The following MDGA2 variants were observed in gnomAD, a reference collection of about 807,000 sequenced individuals.
MDGA2 encodes MAM domain-containing glycosylphosphatidylinositol anchor protein 2.
Under a neutral mutation model 117.8 loss-of-function variants are expected in MDGA2, and 40 were observed. That is an observed-to-expected ratio of 0.34 (90% CI 0.26 to 0.44). The LOEUF is 0.44. Among genes scored for constraint, MDGA2 ranks in the 20% least tolerant of loss-of-function variants. MDGA2 has a pLI of 1.00. For missense variants in MDGA2, 1,123 were observed against 1,250.6 expected, an observed-to-expected ratio of 0.90 and a Z score of 1.54; for synonymous variants, 452 against 439.0, an observed-to-expected ratio of 1.03 and a Z score of -0.37.
chr14:47,449,413 T>G (rs1893193405), intron 1 of MDGA2, among the ~76,000 whole-genome samples: 1 of 152,162 alleles, frequency 6.6e-6, no homozygotes, highest in African/African-American at 2.4e-5. Context: ...TTAACTATTT[T>G]TTGTGCCTAT....
chr14:47,402,791 C>T (rs1892182930), intron 1 of MDGA2, among the ~76,000 whole-genome samples: 1 of 152,096 alleles, frequency 6.6e-6, no homozygotes, highest in Non-Finnish European at 1.5e-5. Flanking sequence ...AACACACACA[C>T]ACACATTAAC....
At chr14:46,973,710 A>G (rs1407190892) in intron 8 of MDGA2, among the ~76,000 whole-genome samples, 3 of 152,124 alleles carry the variant, frequency 2.0e-5, no homozygotes, top group Non-Finnish European at 4.4e-5. Context: ...ACAAACCCCA[A>G]TCTAATGGCA....
At chr14:47,255,716 A>T (rs1952211) in intron 2 of MDGA2, among the ~76,000 whole-genome samples, 125,126 of 151,836 alleles carry the variant, frequency 0.82, 51,887 homozygotes, top group East Asian at 0.93. Context: ...TATTCTGTCA[A>T]CTGCTTGTCA....
At chr14:47,046,526 A>G (rs1266748700) in intron 7 of MDGA2, among the ~76,000 whole-genome samples, 2 of 151,822 alleles carry the variant, frequency 1.3e-5, no homozygotes, top group African/African-American at 2.4e-5. Flanking sequence ...GGTGCAGCAC[A>G]CCAACATGGC....
rs764669737 is a variant in MDGA2, at chr14:47,102,389, ACAC to A, written c.926-5269_926-5267del. Among the ~76,000 whole-genome samples the A allele has an allele frequency of 4.5e-3, 674 of 148,430 alleles. 5 individuals carry two copies. Among genetic ancestry groups the A allele is most frequent in the African/African-American group, 0.017 (652 of 39,186 alleles). Reference sequence around the variant, plus strand: ...GAAACACACACACACACACACACACACACAAACACACACACACACACACAAACT... The same window carrying A: ...GAAACACACACACACACACACACACAAAACACACACACACACACACAAACT... On this transcript the variant is annotated intron_variant, in intron 5 of 16. Coordinates refer to ENST00000399232, the MANE Select transcript of MDGA2 (RefSeq NM_001113498.3).
chr14:47,291,318 T>C (rs928493520), intron 2 of MDGA2, among the ~76,000 whole-genome samples: 1 of 152,188 alleles, frequency 6.6e-6, no homozygotes, highest in East Asian at 1.9e-4. Flanking sequence ...ATAGGACTTG[T>C]GAAGAGCAAC....
chr14:46,880,803 C>CAAAAAAAAAAAAAAAAAAAAA (rs568224124), intron 11 of MDGA2, among the ~76,000 whole-genome samples: 1 of 54,086 alleles, frequency 1.8e-5, no homozygotes, highest in Non-Finnish European at 3.5e-5. Flanking sequence ...ATCCCGTCTC[C>CAAAAAAAAAAAAAAAAAAAAA]AAAAAAAAAA....
rs1450508500 is a variant in MDGA2, at chr14:47,629,285, T to C, written c.280+45232A>G. On this transcript the variant is annotated intron_variant, in intron 1 of 16. Transcript: ENST00000399232. ...GATTCTTACAACAGCATTATATTAA[T>C]AGCAATTCTGATTCATTTGAGCTGA... Among the ~76,000 whole-genome samples, 3 of 152,248 alleles carry C rather than the reference T, an allele frequency of 2.0e-5. No homozygotes were observed. The East Asian group carries it at 5.8e-4, about 29-fold the overall frequency.
intron 1 of MDGA2, among the ~76,000 whole-genome samples, chr14:47,651,121 A>C (rs1041958507): frequency 4.6e-5 from 7 of 152,046 alleles, no homozygotes; most frequent in Non-Finnish European, 8.8e-5. Flanking sequence ...CCTATGGTAA[A>C]GTCTGTTTCA....
At chr14:47,504,426 C>G (rs997184022) in intron 1 of MDGA2, among the ~76,000 whole-genome samples, 5 of 152,088 alleles carry the variant, frequency 3.3e-5, no homozygotes, top group African/African-American at 1.2e-4. Flanking sequence ...CTCTTCTTCT[C>G]CATCACATTA....
At chr14:47,213,977 T>C (rs1305221577) in intron 3 of MDGA2, among the ~76,000 whole-genome samples, 1 of 152,062 alleles carries the variant, frequency 6.6e-6, no homozygotes, top group Non-Finnish European at 1.5e-5. Flanking sequence ...TGGCGAGTAG[T>C]AGCCAGCTTC....
chr14:47,153,070 T>C (rs758345957), intron 3 of MDGA2, among the ~76,000 whole-genome samples: 2 of 152,180 alleles, frequency 1.3e-5, no homozygotes, highest in Non-Finnish European at 2.9e-5. Context: ...GTATGATGTT[T>C]GAGAAACAAA....
rs74432328 is a variant in MDGA2, at chr14:46,912,872, A to T, written c.2238+7140T>A. Reference sequence around the variant, plus strand: ...ACACATTGTAAAATTAGTTTGTAGGAATGAAGCAGATATATGCAATGTCCT... The same window carrying T: ...ACACATTGTAAAATTAGTTTGTAGGTATGAAGCAGATATATGCAATGTCCT... On this transcript the variant is annotated intron_variant, in intron 10 of 16. Transcript: ENST00000399232. 7.9e-3 allele frequency among the ~76,000 whole-genome samples: 1,208 copies of T among 152,274 alleles called. 10 individuals carry two copies. The highest frequency in any genetic ancestry group is 0.035 in the South Asian group (171 of 4,826).
chr14:47,302,271 C>T (rs1170672406), intron 1 of MDGA2, among the ~76,000 whole-genome samples: 5 of 152,186 alleles, frequency 3.3e-5, no homozygotes, highest in Non-Finnish European at 7.4e-5. Context: ...TTGACTTACA[C>T]ATCGTTGGGG....
chr14:47,527,110 A>C (rs1383101708), intron 1 of MDGA2, among the ~76,000 whole-genome samples: 1 of 152,202 alleles, frequency 6.6e-6, no homozygotes, highest in Admixed American at 6.5e-5. Context: ...TAATTCACAC[A>C]GAGGGTAAGG....
chr14:46,864,138 C>T (rs1454779672), intron 14 of MDGA2, among the ~76,000 whole-genome samples: 2 of 148,124 alleles, frequency 1.4e-5, no homozygotes, highest in Non-Finnish European at 3.0e-5. Flanking sequence ...CCAGTGCTTC[C>T]CTAGGGTGAG....
At chr14:47,253,430 C>T (rs1566704323) in intron 2 of MDGA2, among the ~76,000 whole-genome samples, 1 of 152,182 alleles carries the variant, frequency 6.6e-6, no homozygotes, top group Non-Finnish European at 1.5e-5. Flanking sequence ...TTGGCCAAGA[C>T]AAACGGGCTA....
chr14:47,556,846 T>A (rs151080489), intron 1 of MDGA2, among the ~76,000 whole-genome samples: 1 of 152,226 alleles, frequency 6.6e-6, no homozygotes, highest in African/African-American at 2.4e-5. Context: ...ATGTTTAGTA[T>A]CTTTATGTGG....
rs1880733642 is a variant in MDGA2 at position 47,107,004 on chromosome 14, T to G, written c.926-9881A>C. Among the ~76,000 whole-genome samples the G allele has an allele frequency of 1.7e-5, 2 of 116,022 alleles. 1 individual carries two copies. Among genetic ancestry groups the G allele is most frequent in the African/African-American group, 7.5e-5 (2 of 26,616 alleles). 76.1% of individuals were successfully genotyped at this position (116,022 alleles called of 152,430 possible). On this transcript the variant is annotated intron_variant, in intron 5 of 16. Coordinates refer to ENST00000399232, the MANE Select transcript of MDGA2 (RefSeq NM_001113498.3). The stretch of plus-strand genomic sequence containing the variant: ...TGACTATTCCTGGACTACAGCTATA[T>G]CTCATTGCCACCCTTCTTCCCAAGC...
Sources: allele counts gnomAD v4.1 joint callset (sites outside exome capture counted in the v4.1 genomes callset), GRCh38; gene constraint gnomAD v4.1.1; transcripts MANE v1.5; gene names NCBI Gene and HGNC (gene_info 2026-07-23, HGNC 2026-07-21).